BLCAP: variants seen among roughly 807,000 people sequenced by gnomAD.
BLCAP encodes apoptosis inducing factor BLCAP.
Under a neutral mutation model 5.7 loss-of-function variants are expected in BLCAP, and 1 was observed. That is an observed-to-expected ratio of 0.18 (90% CI 0.06 to 0.83). The LOEUF is 0.83. Among genes scored for constraint, BLCAP ranks in the 40% least tolerant of loss-of-function variants. BLCAP has a pLI of 0.71. For synonymous variants in BLCAP, 48 were observed against 49.4 expected (o/e 0.97, Z 0.11); for missense variants, 66 against 107.6 (o/e 0.61, Z 1.71).
Position 37,521,239 on chromosome 20 carries a change from G to C in BLCAP, c.-176-1889C>G, listed in dbSNP as rs1475307700. 7.4e-7 allele frequency: 1 copy of C among 1,355,976 alleles called. No individual in the cohort carries two copies. Among genetic ancestry groups the C allele is most frequent in the African/African-American group, 1.4e-5 (1 of 69,636 alleles). The allele number at this position is 1,355,976 out of a possible 1,614,324, so 84.0% of individuals were successfully genotyped here. A position where few individuals can be genotyped will look rare whatever the true frequency, so the allele number is the denominator to read the frequency against. ...GGCGGGTACTTAAGGCGCGGCCACC[G>C]CGGCTGCGGCAGTGCGCCCAACAGC... is the stretch of plus-strand genomic sequence containing the variant. On this transcript the variant is annotated intron_variant, in intron 1 of 1. Transcript: ENST00000373537. The surrounding 1 kb of genome is among the most constrained non-coding windows in gnomAD (Gnocchi z 4.5).
chr20:37,522,065 CGGAAA>C (rs2071598315), intron 1 of BLCAP, among the ~76,000 whole-genome samples: 1 of 146,248 alleles, frequency 6.8e-6, no homozygotes, highest in African/African-American at 2.5e-5. Context: ...AGGGAGCTAA[CGGAAA>C]AAAATGGATC....
rs2071584710 is a variant in BLCAP at position 37,521,784 on chromosome 20, C to G, written c.-176-2434G>C. 1 of 179,522 alleles carries G rather than the reference C, an allele frequency of 5.6e-6. No homozygotes were observed. The highest frequency in any genetic ancestry group is 1.2e-5 in the Non-Finnish European group (1 of 86,748). 11.1% of individuals were successfully genotyped at this position (179,522 alleles called of 1,614,324 possible). ...TACAGCTCGCAGAGTGAAAATTTTCCACCTTAAAAAATTGCGCATTGCGGA... is the reference window on the plus strand; with the variant it reads ...TACAGCTCGCAGAGTGAAAATTTTCGACCTTAAAAAATTGCGCATTGCGGA... On this transcript the variant is annotated intron_variant, in intron 1 of 1. Coordinates refer to ENST00000373537, the MANE Select transcript of BLCAP (RefSeq NM_006698.4). This position sits in a 1 kb window ranked among gnomAD's most constrained non-coding sequence, Gnocchi z 4.5.
Position 37,521,597 on chromosome 20 carries a change from C to T in BLCAP, c.-176-2247G>A. ...CGCCGTCCTCCTCGCGCTGACCCTCCCTAGTGCGCCCGCGCCTGCCAGGGA... is the reference window on the plus strand; with the variant it reads ...CGCCGTCCTCCTCGCGCTGACCCTCTCTAGTGCGCCCGCGCCTGCCAGGGA... On this transcript the variant is annotated intron_variant, in intron 1 of 1. Coordinates refer to ENST00000373537, the MANE Select transcript of BLCAP (RefSeq NM_006698.4). This position sits in a 1 kb window ranked among gnomAD's most constrained non-coding sequence, Gnocchi z 4.5. The T allele has an allele frequency of 1.7e-6, 1 of 590,058 alleles. No homozygotes were observed. The highest frequency in any genetic ancestry group is 3.0e-6 in the Non-Finnish European group (1 of 335,214). The allele number at this position is 590,058 out of a possible 1,614,324, so 36.6% of individuals were successfully genotyped here.
rs1169284076 is a variant in BLCAP at position 37,517,777 on chromosome 20, C to G, written c.*1134G>C. The stretch of plus-strand genomic sequence containing the variant: ...GTCTATATGCGCAGGAACGAAGAAG[C>G]TCCTGGCGGGAGGATGATGGCCACT... On this transcript the variant is annotated 3_prime_UTR_variant, in exon 2 of 2. Transcript: ENST00000373537. 1 of 152,690 alleles carries G rather than the reference C, an allele frequency of 6.5e-6. No individual in the cohort carries two copies. Among genetic ancestry groups the G allele is most frequent in the African/African-American group, 2.4e-5 (1 of 41,444 alleles). The allele number at this position is 152,690 out of a possible 1,614,324, so 9.5% of individuals were successfully genotyped here.
intron 1 of BLCAP, among the ~76,000 whole-genome samples, chr20:37,527,366 C>T (rs557116961): frequency 1.3e-5 from 2 of 150,736 alleles, no homozygotes; most frequent in Admixed American, 6.6e-5. Flanking sequence ...CACCTCCCCC[C>T]CAAAAAAGCA....
chr20:37,522,598 G>GGGGGGGGGGGGGGGCGCC, intron 1 of BLCAP: 1 of 864,474 alleles, frequency 1.2e-6, no homozygotes, highest in Non-Finnish European at 1.7e-6. Flanking sequence ...GCGGGGGTGG[G>GGGGGGGGGGGGGGGCGCC]CACGGCAGCA....
chr20:37,521,442 A>G lies in BLCAP; in HGVS notation c.-176-2092T>C. The G allele has an allele frequency of 6.3e-7, 1 of 1,593,276 alleles. No homozygotes were observed. Among genetic ancestry groups the G allele is most frequent in the Non-Finnish European group, 8.6e-7 (1 of 1,161,182 alleles). Reference sequence around the variant, plus strand: ...GGTTTCGGGTGGGAGAGGGTTCCCAACTCGCGCCCCTAGAACCCGCAAGAC... The same window carrying G: ...GGTTTCGGGTGGGAGAGGGTTCCCAGCTCGCGCCCCTAGAACCCGCAAGAC... On this transcript the variant is annotated intron_variant, in intron 1 of 1. Coordinates refer to ENST00000373537, the MANE Select transcript of BLCAP (RefSeq NM_006698.4). The surrounding 1 kb of genome is among the most constrained non-coding windows in gnomAD (Gnocchi z 4.5).
At chr20:37,520,116 T>G (rs1402136280) in intron 1 of BLCAP, 3 of 152,252 alleles carry the variant, frequency 2.0e-5, no homozygotes, top group African/African-American at 7.2e-5. Context: ...CTCTGGGAGC[T>G]TTTAATGAAA....
At chr20:37,522,997 A>G (rs1601096089) in intron 1 of BLCAP, 1 of 471,240 alleles carries the variant, frequency 2.1e-6, no homozygotes, top group Admixed American at 3.8e-5. Flanking sequence ...CAGGGTCGAG[A>G]GAGGAGGGGG....
In BLCAP at chr20:37,521,096, G is replaced by A. The variant is rs753228799; in HGVS notation, c.-176-1746C>T. 5.3e-6 allele frequency: 3 copies of A among 570,720 alleles called. No homozygotes were observed. Among genetic ancestry groups the A allele is most frequent in the Admixed American group, 3.1e-5 (1 of 32,502 alleles). 35.4% of individuals were successfully genotyped at this position (570,720 alleles called of 1,614,324 possible). A position where few individuals can be genotyped will look rare whatever the true frequency, so the allele number is the denominator to read the frequency against. On this transcript the variant is annotated intron_variant, in intron 1 of 1. Transcript: ENST00000373537. This position sits in a 1 kb window ranked among gnomAD's most constrained non-coding sequence, Gnocchi z 4.5. Reference sequence around the variant, plus strand: ...GGCTAAGATGGAACTCAGGAGGCGGGGGTCGGTATGGAAAGAGCAGATGGA... The same window carrying A: ...GGCTAAGATGGAACTCAGGAGGCGGAGGTCGGTATGGAAAGAGCAGATGGA...
chr20:37,520,565 T>C (rs1022037173), intron 1 of BLCAP: 1 of 152,226 alleles, frequency 6.6e-6, no homozygotes, highest in Non-Finnish European at 1.5e-5. Context: ...AGGGCGCCAA[T>C]CCTTCCTGTA....
chr20:37,525,389 C>T (rs2071701173), intron 1 of BLCAP, among the ~76,000 whole-genome samples: 2 of 152,206 alleles, frequency 1.3e-5, no homozygotes, highest in Non-Finnish European at 1.5e-5. Flanking sequence ...CTTGTGCCCC[C>T]ACTTAGAGGA....
At chr20:37,520,090 C>T (rs1372286780) in intron 1 of BLCAP, 2 of 152,280 alleles carry the variant, frequency 1.3e-5, no homozygotes. Context: ...GCTGCTGGCA[C>T]TGTATAGAAC....
At chr20:37,522,640 G>A (rs1336046140) in intron 1 of BLCAP, 1 of 1,595,966 alleles carries the variant, frequency 6.3e-7, no homozygotes, top group Non-Finnish European at 8.5e-7. Flanking sequence ...TCTCCACTAA[G>A]GGTGGGTCCT....
At chr20:37,519,404 CAAAAAAAAAAAAAAAAAAAGAAAAAA>C (rs1000075729) in intron 1 of BLCAP, 54 bp from the exon 2 acceptor site, 1 of 42,962 alleles carries the variant, frequency 2.3e-5, no homozygotes, top group African/African-American at 1.0e-4. Flanking sequence ...GACAGACAGA[CAAAAAAAAAAAAAAAAAAAGAAAAAA>C]AAAAAAAAAA....
At chr20:37,527,476 G>C (rs1268394876) in intron 1 of BLCAP, 1 of 152,174 alleles carries the variant, frequency 6.6e-6, no homozygotes, top group Non-Finnish European at 1.5e-5. Flanking sequence ...TGGTGGTCGC[G>C]CTCCCAGCCC....
intron 1 of BLCAP, among the ~76,000 whole-genome samples, chr20:37,526,370 G>C (rs1210282241): frequency 1.4e-5 from 2 of 142,720 alleles, no homozygotes; most frequent in African/African-American, 2.7e-5. Context: ...TTTCCCCCCG[G>C]TAACCTCTGA....
chr20:37,522,488 C>T (rs1384048379), intron 1 of BLCAP: 1 of 1,561,106 alleles, frequency 6.4e-7, no homozygotes, highest in Non-Finnish European at 8.8e-7. Flanking sequence ...CAGCTCTCAG[C>T]ACAGTTGGAA....
chr20:37,523,929 A>T (rs2071675096), intron 1 of BLCAP, among the ~76,000 whole-genome samples: 1 of 152,162 alleles, frequency 6.6e-6, no homozygotes, highest in Non-Finnish European at 1.5e-5. Flanking sequence ...TCCTGGAATA[A>T]GGGACCACTT....
Sources: gnomAD v4.1 joint callset for allele counts (sites outside exome capture counted in the v4.1 genomes callset) on GRCh38, gnomAD v4.1.1 for gene constraint, Gnocchi (gnomAD v3.1) non-coding constraint, MANE v1.5 for transcripts, NCBI Gene and HGNC (gene_info 2026-07-23, HGNC 2026-07-21) for gene names.